The following NRP1 variants were observed in gnomAD, a reference collection of about 807,000 sequenced individuals.
The protein encoded by NRP1 is neuropilin-1.
NRP1 carries 35 observed loss-of-function variants against 106.7 expected under a neutral mutation model. The ratio of observed to expected loss-of-function variants is 0.33; its 90% confidence interval spans 0.25 to 0.43. The LOEUF is 0.43. Among genes scored for constraint, NRP1 ranks in the 20% least tolerant of loss-of-function variants. The pLI is 1.00. For synonymous variants in NRP1, 437 were observed against 417.9 expected (o/e 1.05, Z -0.56); for missense variants, 1,024 against 1,170.4 (o/e 0.87, Z 1.83).
At chr10:33,246,104 G>A (rs773279474) in intron 6 of NRP1, among the ~76,000 whole-genome samples, 69 of 150,146 alleles carry the variant, frequency 4.6e-4, no homozygotes, top group Non-Finnish European at 9.6e-4. Context: ...GACCAAAATG[G>A]TCAAAATCAT....
chr10:33,237,401 C>CA (rs1189602192), intron 6 of NRP1, among the ~76,000 whole-genome samples: 1 of 151,766 alleles, frequency 6.6e-6, no homozygotes, highest in Non-Finnish European at 1.5e-5. Context: ...AAGTGGACCT[C>CA]ATAGGACAGG....
At chr10:33,245,258 G>T (rs1390088195) in intron 6 of NRP1, among the ~76,000 whole-genome samples, 3 of 152,154 alleles carry the variant, frequency 2.0e-5, no homozygotes, top group Admixed American at 6.5e-5. Flanking sequence ...GGGGGTGATT[G>T]TTCCCTAAGT....
At chr10:33,243,445 C>T (rs182085974) in intron 6 of NRP1, among the ~76,000 whole-genome samples, 1 of 152,248 alleles carries the variant, frequency 6.6e-6, no homozygotes, top group East Asian at 1.9e-4. Flanking sequence ...TCACCCATCC[C>T]CTGGAGAATT....
At chr10:33,180,743 T>C in intron 16 of NRP1, among the ~76,000 whole-genome samples, 1 of 152,206 alleles carries the variant, frequency 6.6e-6, no homozygotes. Context: ...ATTTTACCAT[T>C]CCCAGTGCAT....
rs1588772585 is a variant in NRP1 at position 33,225,982 on chromosome 10, C to T, written c.1137+152G>A. The T allele has an allele frequency of 1.1e-5, 9 of 830,234 alleles. No individual in the cohort carries two copies. In the East Asian group the frequency reaches 2.1e-4, roughly 20 times the overall value. The allele number at this position is 830,234 out of a possible 1,614,324, so 51.4% of individuals were successfully genotyped here. Reference sequence around the variant, plus strand: ...CTTCTGGATCTGGGAACATGAGACCCCTTGGTTAGATTTAAACCTCTAATT... The same window carrying T: ...CTTCTGGATCTGGGAACATGAGACCTCTTGGTTAGATTTAAACCTCTAATT... On this transcript the variant is annotated intron_variant, in intron 7 of 16. Coordinates refer to ENST00000374867, the MANE Select transcript of NRP1 (RefSeq NM_003873.7).
At chr10:33,248,717 G>A (rs193174754) in intron 6 of NRP1, among the ~76,000 whole-genome samples, 46 of 149,438 alleles carry the variant, frequency 3.1e-4, no homozygotes, top group African/African-American at 1.1e-3. Context: ...AAAATGGAGT[G>A]GAGAAAGAAG....
chr10:33,276,071 A>T (rs1260812724), intron 2 of NRP1, among the ~76,000 whole-genome samples: 1 of 152,222 alleles, frequency 6.6e-6, no homozygotes, highest in Non-Finnish European at 1.5e-5. Context: ...GACGGAACTA[A>T]CTAGGCCAAG....
At position 33,269,080 on chromosome 10, in the gene NRP1, A is replaced by C. The variant is rs1487267792; in HGVS notation, c.430+1595T>G. Among the ~76,000 whole-genome samples the C allele has an allele frequency of 3.3e-5, 5 of 152,154 alleles. No homozygotes were observed. The East Asian group carries it at 9.6e-4, about 29-fold the overall frequency. ...GATGTAGTTAGTTTTTTTTCTATCG[A>C]AACAAGCTTTTTCTTCTGTATTCCA... On this transcript the variant is annotated intron_variant, in intron 3 of 16. Transcript: ENST00000374867.
rs2506143 is a variant in NRP1, at chr10:33,179,241, A to C, written c.*835T>G. 22 of 152,646 alleles carry C rather than the reference A, an allele frequency of 1.4e-4. No individual in the cohort carries two copies. The East Asian group carries it at 3.7e-3, about 25-fold the overall frequency. The allele number at this position is 152,646 out of a possible 1,614,324, so 9.5% of individuals were successfully genotyped here. On this transcript the variant is annotated 3_prime_UTR_variant, in exon 17 of 17. Transcript: ENST00000374867. Reference sequence around the variant, plus strand: ...TTCTTCTTAGTCAGTGGGCCACCAGAGTTTGATTAAAGAGCAGGGCTTTCA... The same window carrying C: ...TTCTTCTTAGTCAGTGGGCCACCAGCGTTTGATTAAAGAGCAGGGCTTTCA...
At chr10:33,210,629 T>C (rs1838226781) in intron 9 of NRP1, among the ~76,000 whole-genome samples, 2 of 152,220 alleles carry the variant, frequency 1.3e-5, no homozygotes, top group Non-Finnish European at 2.9e-5. Context: ...TGTTTCGACC[T>C]TCTCTCTGTT....
intron 2 of NRP1, among the ~76,000 whole-genome samples, chr10:33,324,074 ACAACCTCGT>A (rs1847719211): frequency 6.6e-6 from 1 of 152,220 alleles, no homozygotes; most frequent in South Asian, 2.1e-4. Context: ...CTAACACAAA[ACAACCTCGT>A]AATACTCAAA....
intron 2 of NRP1, among the ~76,000 whole-genome samples, chr10:33,291,697 A>G (rs1325476761): frequency 6.6e-6 from 1 of 152,246 alleles, no homozygotes; most frequent in Non-Finnish European, 1.5e-5. Context: ...TTGTTTGTAA[A>G]TGAACATTTA....
At chr10:33,327,339 C>T (rs796957479) in intron 2 of NRP1, among the ~76,000 whole-genome samples, 10 of 152,222 alleles carry the variant, frequency 6.6e-5, no homozygotes, top group African/African-American at 2.4e-4. Context: ...CTACTTGATC[C>T]TACTAGTAAC....
At chr10:33,333,116 G>A (rs781412441) in intron 1 of NRP1, among the ~76,000 whole-genome samples, 8 of 152,072 alleles carry the variant, frequency 5.3e-5, no homozygotes, top group Non-Finnish European at 1.0e-4. Context: ...TACCAGCTCA[G>A]GTTCATTAAT....
In NRP1 at chr10:33,270,697, T is replaced by C. The variant is rs1416723101; in HGVS notation, c.408A>G (p.Ile136Met). ...DYETHGAGFS[I>M]RYEIFKRGPE... is the part of the protein sequence containing the mutation. ...CACCTCTCTTGAAAATTTCATAACGTATGGAAAATCCTGCACCATGTGTTT... is the reference window on the plus strand; with the variant it reads ...CACCTCTCTTGAAAATTTCATAACGCATGGAAAATCCTGCACCATGTGTTT... The change falls in exon 3 of 17, where the codon ATA becomes ATG. Residue 136 changes from isoleucine to methionine, a missense_variant. Transcript: ENST00000374867. The C allele has an allele frequency of 6.2e-7, 1 of 1,610,974 alleles. No individual in the cohort carries two copies. The highest frequency in any genetic ancestry group is 8.5e-7 in the Non-Finnish European group (1 of 1,178,686).
chr10:33,211,143 T>G (rs1469706104), intron 9 of NRP1: 2 of 152,242 alleles, frequency 1.3e-5, no homozygotes, highest in African/African-American at 4.8e-5. Context: ...AATTCAGTGC[T>G]GGATTTACTA....
intron 7 of NRP1, among the ~76,000 whole-genome samples, chr10:33,224,317 C>G (rs1189231941): frequency 6.6e-6 from 1 of 152,114 alleles, no homozygotes. Flanking sequence ...GGGTGCTCTC[C>G]GACAGCCCCC....
In NRP1 at chr10:33,178,688, G is replaced by A. The variant is rs1272318779; in HGVS notation, c.*1388C>T. 1 of 152,238 alleles carries A rather than the reference G, an allele frequency of 6.6e-6. No homozygotes were observed. The highest frequency in any genetic ancestry group is 2.4e-5 in the African/African-American group (1 of 41,442). 9.4% of individuals were successfully genotyped at this position (152,238 alleles called of 1,614,324 possible). ...TTTTGGATTTGGAAGATTTTATCCA[G>A]TTCTTCCTTTGGGTCTCACTTGAAA... On this transcript the variant is annotated 3_prime_UTR_variant, in exon 17 of 17. Transcript: ENST00000374867.
At position 33,253,444 on chromosome 10, in the gene NRP1, A is replaced by G. The variant is rs146682213; in HGVS notation, c.981+584T>C. On this transcript the variant is annotated intron_variant, in intron 6 of 16. Transcript: ENST00000374867. ...ATGAAGACACAAATATGTACATTTCATGCCTAAACATGGATATCTCGTCAA... is the reference window on the plus strand; with the variant it reads ...ATGAAGACACAAATATGTACATTTCGTGCCTAAACATGGATATCTCGTCAA... Among the ~76,000 whole-genome samples the G allele has an allele frequency of 1.9e-4, 29 of 152,316 alleles. No individual in the cohort carries two copies. The East Asian group carries it at 5.4e-3, about 28-fold the overall frequency.
Sources: allele counts gnomAD v4.1 joint callset (sites outside exome capture counted in the v4.1 genomes callset), GRCh38; gene constraint gnomAD v4.1.1; transcripts MANE v1.5; gene names NCBI Gene and HGNC (gene_info 2026-07-23, HGNC 2026-07-21).